The following LRP1B variants were observed in gnomAD, a reference collection of about 807,000 sequenced individuals.
LRP1B encodes the protein low-density lipoprotein receptor-related protein 1B.
LRP1B carries 217 observed loss-of-function variants against 556.6 expected under a neutral mutation model. That is an observed-to-expected ratio of 0.39 (90% CI 0.35 to 0.44). The LOEUF is 0.44. Ranked by LOEUF, LRP1B falls within the 20% of genes least tolerant of loss-of-function variation. LRP1B has a pLI of 1.00. For synonymous variants in LRP1B, 2,047 were observed against 1,865.8 expected (o/e 1.10, Z -2.50); for missense variants, 5,053 against 5,620.8 (o/e 0.90, Z 3.23).
rs189625407 is a variant in LRP1B, at chr2:140,405,540, A to T, written c.10415-19531T>A. On this transcript the variant is annotated intron_variant, in intron 66 of 90. Coordinates refer to ENST00000389484, the MANE Select transcript of LRP1B (RefSeq NM_018557.3). ...TGAAAGTGGAAACATTACAACCAAC[A>T]CGAATAAATCATTTGAGACTATTAT... is the stretch of plus-strand genomic sequence containing the variant. Among the ~76,000 whole-genome samples the T allele has an allele frequency of 2.0e-5, 3 of 152,208 alleles. No homozygotes were observed. In the East Asian group the frequency reaches 5.8e-4, roughly 29 times the overall value.
At chr2:141,387,864 G>C (rs575590145) in intron 3 of LRP1B, among the ~76,000 whole-genome samples, 2 of 152,146 alleles carry the variant, frequency 1.3e-5, no homozygotes, top group South Asian at 4.2e-4. Flanking sequence ...AAAGAAAACT[G>C]CATACCAATA....
In LRP1B at chr2:141,681,693, C is replaced by T. The variant is rs62166536; in HGVS notation, c.205+128586G>A. Among the ~76,000 whole-genome samples the T allele has an allele frequency of 3.4e-3, 521 of 152,098 alleles. 4 individuals are homozygous for T. Among genetic ancestry groups the T allele is most frequent in the Non-Finnish European group, 5.7e-3 (387 of 67,994 alleles). Reference sequence around the variant, plus strand: ...CTTGACTAAGGATATAAGATGCAGCCGAAAGAATACTTGATAGAGTCACTA... The same window carrying T: ...CTTGACTAAGGATATAAGATGCAGCTGAAAGAATACTTGATAGAGTCACTA... On this transcript the variant is annotated intron_variant, in intron 2 of 90. Transcript: ENST00000389484.
At chr2:142,121,151 T>C (rs1707445747) in intron 1 of LRP1B, among the ~76,000 whole-genome samples, 1 of 152,208 alleles carries the variant, frequency 6.6e-6, no homozygotes, top group Non-Finnish European at 1.5e-5. Flanking sequence ...CAAATCTCTG[T>C]TGTAGCTTGT....
intron 2 of LRP1B, among the ~76,000 whole-genome samples, chr2:141,703,270 G>T (rs1261209276): frequency 4.0e-5 from 6 of 151,794 alleles, no homozygotes; most frequent in Non-Finnish European, 8.8e-5. Context: ...TAAAGATTTT[G>T]CATACTGTTA....
At chr2:142,020,128 C>T (rs1382798334) in intron 1 of LRP1B, among the ~76,000 whole-genome samples, 1 of 152,082 alleles carries the variant, frequency 6.6e-6, no homozygotes, top group Non-Finnish European at 1.5e-5. Flanking sequence ...TGCAAAAGGG[C>T]TTAGAGTACA....
At chr2:141,181,356 A>T (rs978940796) in intron 7 of LRP1B, among the ~76,000 whole-genome samples, 1 of 151,944 alleles carries the variant, frequency 6.6e-6, no homozygotes, top group African/African-American at 2.4e-5. Context: ...TACCAAAGTA[A>T]CCGAACTATA....
intron 3 of LRP1B, among the ~76,000 whole-genome samples, chr2:141,269,310 G>A (rs1326886853): frequency 6.6e-6 from 1 of 152,128 alleles, no homozygotes; most frequent in Non-Finnish European, 1.5e-5. Flanking sequence ...TGTGGGTTTA[G>A]AACAAAGCTC....
intron 2 of LRP1B, among the ~76,000 whole-genome samples, chr2:141,616,098 A>T (rs990761281): frequency 1.3e-5 from 2 of 152,118 alleles, no homozygotes; most frequent in Non-Finnish European, 2.9e-5. Flanking sequence ...CCTGGCCAAC[A>T]TGTTGAAACC....
At chr2:140,693,236 C>T (rs965626038) in intron 41 of LRP1B, among the ~76,000 whole-genome samples, 10 of 152,146 alleles carry the variant, frequency 6.6e-5, no homozygotes, top group South Asian at 2.1e-4. Context: ...TTTAAAATTG[C>T]CTTGGCAATT....
intron 60 of LRP1B, among the ~76,000 whole-genome samples, chr2:140,465,573 ACTG>A (rs1335848572): frequency 6.6e-6 from 1 of 152,168 alleles, no homozygotes; most frequent in East Asian, 1.9e-4. Context: ...AAGTAAACCT[ACTG>A]ATCCCTAATC....
chr2:141,867,916 A>G (rs1466577740), intron 1 of LRP1B, among the ~76,000 whole-genome samples: 2 of 152,166 alleles, frequency 1.3e-5, no homozygotes, highest in African/African-American at 4.8e-5. Context: ...AGCAAGGATG[A>G]ACTATTTGGA....
intron 3 of LRP1B, among the ~76,000 whole-genome samples, chr2:141,433,699 C>G (rs1680652969): frequency 6.6e-6 from 1 of 151,230 alleles, no homozygotes; most frequent in Non-Finnish European, 1.5e-5. Flanking sequence ...TCAAGATTTT[C>G]TATCTTTGGC....
intron 87 of LRP1B, 143 bp downstream of exon 87, chr2:140,246,943 T>C (rs1681190270): frequency 1.2e-5 from 7 of 580,894 alleles, no homozygotes; most frequent in Non-Finnish European, 2.2e-5. Context: ...CAGTGCTTCC[T>C]CTTTCAAAAA....
intron 7 of LRP1B, among the ~76,000 whole-genome samples, chr2:141,176,289 G>A (rs1304470868): frequency 6.6e-6 from 1 of 152,024 alleles, no homozygotes; most frequent in Non-Finnish European, 1.5e-5. Context: ...GTTTGACTGT[G>A]TCCCCACCCA....
rs943367241 is a variant in LRP1B at position 140,772,319 on chromosome 2, A to G, written c.5501-1313T>C. On this transcript the variant is annotated intron_variant, in intron 33 of 90. Transcript: ENST00000389484. ...TATATATTTGTATGTATGTATATAT[A>G]TATTATTTTTGAGACAGTCTCACTC... Among the ~76,000 whole-genome samples the G allele has an allele frequency of 3.3e-5, 5 of 151,258 alleles. No homozygotes were observed. In the East Asian group the frequency reaches 9.7e-4, roughly 29 times the overall value.
At chr2:140,451,236 C>T (rs973542994) in intron 62 of LRP1B, among the ~76,000 whole-genome samples, 1 of 152,138 alleles carries the variant, frequency 6.6e-6, no homozygotes, top group African/African-American at 2.4e-5. Context: ...TAAATCACGG[C>T]CCCAGCCCTA....
At chr2:140,628,063 C>G (rs1204176999) in intron 41 of LRP1B, among the ~76,000 whole-genome samples, 2 of 152,124 alleles carry the variant, frequency 1.3e-5, no homozygotes, top group African/African-American at 4.8e-5. Flanking sequence ...CAAGCCATTA[C>G]CAAGGACTTT....
intron 3 of LRP1B, among the ~76,000 whole-genome samples, chr2:141,468,549 T>G (rs4531869): frequency 0.44 from 66,617 of 151,910 alleles, 14,929 homozygotes; most frequent in Non-Finnish European, 0.49. Context: ...TAATAAATAT[T>G]TGGGGATCAT....
chr2:140,347,394 A>C (rs974410753), intron 77 of LRP1B, among the ~76,000 whole-genome samples: 2 of 151,786 alleles, frequency 1.3e-5, no homozygotes, highest in African/African-American at 4.8e-5. Flanking sequence ...TTGAAATTTA[A>C]ATTTATAATA....
Sources: allele counts gnomAD v4.1 joint callset (sites outside exome capture counted in the v4.1 genomes callset), GRCh38; gene constraint gnomAD v4.1.1; transcripts MANE v1.5; gene names NCBI Gene and HGNC (gene_info 2026-07-23, HGNC 2026-07-21).